The following SLC29A4 variants were observed in gnomAD, a reference collection of about 807,000 sequenced individuals.
SLC29A4 encodes solute carrier family 29 member 4.
In SLC29A4, 36 loss-of-function variants were observed where a neutral mutation model predicts 43.9. That is an observed-to-expected ratio of 0.82 (90% CI 0.63 to 1.08). The LOEUF (loss-of-function observed/expected upper bound fraction) is 1.08. Ranked by LOEUF, SLC29A4 falls within the 50% of genes least tolerant of loss-of-function variation. The pLI is 0.00. For missense variants in SLC29A4, 869 were observed against 755.3 expected, an observed-to-expected ratio of 1.15 and a Z score of -1.77; for synonymous variants, 491 against 338.0, an observed-to-expected ratio of 1.45 and a Z score of -4.97.
rs535834277 is a variant in SLC29A4, at chr7:5,296,966, G to C, written c.650G>C (p.Arg217Pro). ...STAGVMISLS[R>P]ILTKLLLPDE... ...GCGGGCGTGATGATCTCTCTGAGCC[G>C]CATCCTCACGAAGCTGCTGCTGCCC... The change falls in exon 7 of 11, where the codon CGC becomes CCC. Residue 217 changes from arginine (R) to proline (P), a missense_variant. Transcript: ENST00000396872. The C allele has an allele frequency of 1.3e-5, 20 of 1,598,382 alleles. No individual in the cohort carries two copies. The Admixed American group carries it at 2.5e-4, about 20-fold the overall frequency.
intron 10 of SLC29A4, among the ~76,000 whole-genome samples, chr7:5,302,516 C>A (rs765724229): frequency 1.3e-5 from 2 of 152,126 alleles, no homozygotes; most frequent in African/African-American, 2.4e-5. Context: ...GCACTCCGGT[C>A]TGGGCAACAG....
intron 7 of SLC29A4, among the ~76,000 whole-genome samples, chr7:5,298,328 T>C (rs769042414): frequency 1.3e-5 from 2 of 151,968 alleles, no homozygotes; most frequent in Non-Finnish European, 2.9e-5. Context: ...AGGAAGCGTG[T>C]TGGGGCAGAG....
intron 7 of SLC29A4, among the ~76,000 whole-genome samples, chr7:5,297,531 C>G (rs927263856): frequency 6.6e-6 from 1 of 152,250 alleles, no homozygotes; most frequent in East Asian, 1.9e-4. Flanking sequence ...GTTTCCATCC[C>G]TGGGACAGCC....
intron 6 of SLC29A4, among the ~76,000 whole-genome samples, chr7:5,295,626 C>A (rs1307104016): frequency 6.6e-6 from 1 of 152,214 alleles, no homozygotes; most frequent in Non-Finnish European, 1.5e-5. Flanking sequence ...TGTGCCTGGA[C>A]TGGCCCGGGG....
chr7:5,287,195 G>T (rs1006984293), intron 1 of SLC29A4, among the ~76,000 whole-genome samples: 1 of 152,210 alleles, frequency 6.6e-6, no homozygotes, highest in Non-Finnish European at 1.5e-5. Flanking sequence ...GGAGGCCGAG[G>T]CAGGAGTTGG....
intron 1 of SLC29A4, among the ~76,000 whole-genome samples, chr7:5,287,017 A>G (rs891503214): frequency 6.6e-6 from 1 of 152,194 alleles, no homozygotes; most frequent in Non-Finnish European, 1.5e-5. Context: ...GCCCACTGCC[A>G]CCATGCAGGC....
Position 5,283,030 on chromosome 7 carries a change from G to T in SLC29A4, c.-61G>T, listed in dbSNP as rs1272890778. On this transcript the variant is annotated 5_prime_UTR_variant, in exon 1 of 11. Transcript: ENST00000396872. ...GGGCGCGCCCGGCCCGAGGCTGGGG[G>T]AGCGGGGCGGCGTGGCGGGCGCGCC... The T allele has an allele frequency of 6.9e-6, 1 of 145,594 alleles. No individual in the cohort carries two copies. The highest frequency in any genetic ancestry group is 1.5e-5 in the Non-Finnish European group (1 of 65,344). 9.0% of individuals were successfully genotyped at this position (145,594 alleles called of 1,614,324 possible). A position where few individuals can be genotyped will look rare whatever the true frequency, so the allele number is the denominator to read the frequency against.
intron 6 of SLC29A4, among the ~76,000 whole-genome samples, chr7:5,296,036 C>T (rs1785632271): frequency 6.6e-6 from 1 of 152,082 alleles, no homozygotes; most frequent in African/African-American, 2.4e-5. Context: ...CACCCCAAGG[C>T]CCTCCCTCCC....
rs772771027 is a variant in SLC29A4 at position 5,297,012 on chromosome 7, C to T, written c.696C>T (p.Leu232=). Residue 232 remains leucine, a synonymous_variant, in exon 7 of 11, where the codon CTC becomes CTT. Transcript: ENST00000396872. ...LLLPDERAST[L]IFFLVSVALE... ...TGCCCGACGAGCGCGCCAGCACGCTCATCTTCTTCCTGGTGTCGGTGGCGC... is the reference window on the plus strand; with the variant it reads ...TGCCCGACGAGCGCGCCAGCACGCTTATCTTCTTCCTGGTGTCGGTGGCGC... 18 of 1,605,686 alleles carry T rather than the reference C, an allele frequency of 1.1e-5. No homozygotes were observed. In the Admixed American group the frequency reaches 1.7e-4, roughly 15 times the overall value.
chr7:5,296,382 T>C (rs1391146048), intron 6 of SLC29A4, among the ~76,000 whole-genome samples: 1 of 149,526 alleles, frequency 6.7e-6, no homozygotes, highest in African/African-American at 2.5e-5. Context: ...TGCCCCATGG[T>C]GGGGGTGTGT....
intron 1 of SLC29A4, among the ~76,000 whole-genome samples, chr7:5,286,551 C>A (rs1202217114): frequency 7.2e-6 from 1 of 139,726 alleles, no homozygotes. Flanking sequence ...AGAAAAAAAT[C>A]ATTTTAGGGG....
At chr7:5,294,833 G>A (rs1387940001) in intron 5 of SLC29A4, 27 bp from the exon 6 acceptor site, 2 of 1,564,274 alleles carry the variant, frequency 1.3e-6, no homozygotes, top group Middle Eastern at 1.7e-4. Context: ...TGGTGCCTCT[G>A]GGTTGTTCCT....
chr7:5,296,953 ATCTC>A lies in SLC29A4; in HGVS notation c.641_644del (p.Ser214Ter). 1 of 1,592,818 alleles carries A rather than the reference ATCTC, an allele frequency of 6.3e-7. No homozygotes were observed. ...CCCCCCAGGCACGGCGGGCGTGATG[ATCTC>A]TCTGAGCCGCATCCTCACGAAGCTG... On this transcript the variant is annotated frameshift_variant, in exon 7 of 11. Transcript: ENST00000396872. LOFTEE classifies it high-confidence loss of function.
rs571590984 is a variant in SLC29A4 at position 5,290,876 on chromosome 7, A to G, written c.301+13A>G. 18 of 1,603,172 alleles carry G rather than the reference A, an allele frequency of 1.1e-5. No homozygotes were observed. The South Asian group carries it at 1.8e-4, about 16-fold the overall frequency. ...CACAAGTACCCAGGTGGGTCCCTCC[A>G]CGGTCACGCCCAGCCACTCAGCATC... On this transcript the variant is annotated intron_variant, in intron 3 of 10. Coordinates refer to ENST00000396872, the MANE Select transcript of SLC29A4 (RefSeq NM_153247.4).
chr7:5,287,712 T>C, intron 1 of SLC29A4, 97 bp from the exon 2 acceptor site: 3 of 1,237,242 alleles, frequency 2.4e-6, no homozygotes, highest in Non-Finnish European at 3.3e-6. Flanking sequence ...CAAAGTGACA[T>C]GTGTCACTCC....
intron 10 of SLC29A4, among the ~76,000 whole-genome samples, chr7:5,301,131 G>C (rs897713334): frequency 1.8e-4 from 27 of 152,156 alleles, no homozygotes; most frequent in African/African-American, 5.3e-4. Flanking sequence ...GGGTATGGTA[G>C]CGTGCGCCTA....
intron 5 of SLC29A4, among the ~76,000 whole-genome samples, chr7:5,294,412 A>G (rs1159754424): frequency 1.3e-5 from 2 of 152,156 alleles, no homozygotes; most frequent in Non-Finnish European, 2.9e-5. Context: ...CAAATAGCCC[A>G]GAAATCTCAG....
intron 1 of SLC29A4, among the ~76,000 whole-genome samples, chr7:5,286,544 A>AAAAGAAAAAG (rs201953884): frequency 5.4e-5 from 8 of 147,020 alleles, no homozygotes; most frequent in African/African-American, 2.1e-4. Context: ...AGAAAAAAGA[A>AAAAGAAAAAG]AAAAATCATT....
chr7:5,291,844 G>T, intron 5 of SLC29A4, 23 bp downstream of exon 5: 1 of 1,605,514 alleles, frequency 6.2e-7, no homozygotes, highest in Non-Finnish European at 8.5e-7. Context: ...GCCCAAGGGG[G>T]AGGCCTTGAG....
Sources: allele counts gnomAD v4.1 joint callset (sites outside exome capture counted in the v4.1 genomes callset), GRCh38; gene constraint gnomAD v4.1.1; transcripts MANE v1.5; gene names NCBI Gene and HGNC (gene_info 2026-07-23, HGNC 2026-07-21).